WNT7B: variants seen among roughly 807,000 people sequenced by gnomAD.
WNT7B encodes the protein Wnt family member 7B, also known as protein Wnt-7b.
In WNT7B, 19 loss-of-function variants were observed where a neutral mutation model predicts 38.2. That is an observed-to-expected ratio of 0.50 (90% confidence interval 0.35 to 0.73). WNT7B has a LOEUF of 0.73. WNT7B is among the 30% of genes least tolerant of loss of function. WNT7B has a pLI of 0.01. For missense variants in WNT7B, 423 were observed against 507.9 expected, an observed-to-expected ratio of 0.83 and a Z score of 1.61; for synonymous variants, 243 against 209.3, an observed-to-expected ratio of 1.16 and a Z score of -1.39.
In WNT7B at chr22:45,922,905, A is replaced by G; in HGVS notation, c.1001T>C (p.Val334Ala). ...CNCKFHWCCF[V>A]KCNTCSERTE... is the part of the protein sequence containing the mutation. Reference sequence around the variant, plus strand: ...GCGCTCGCTGCAGGTGTTGCACTTGACGAAGCAGCACCAGTGGAATTTGCA... The same window carrying G: ...GCGCTCGCTGCAGGTGTTGCACTTGGCGAAGCAGCACCAGTGGAATTTGCA... The change falls in exon 4 of 4, where the codon GTC becomes GCC. Residue 334 changes from valine to alanine, a missense_variant. Val to Ala is a moderately conservative substitution (Grantham distance 64). Transcript: ENST00000339464. The G allele has an allele frequency of 6.2e-7, 1 of 1,611,348 alleles. No homozygotes were observed.
intron 1 of WNT7B, among the ~76,000 whole-genome samples, chr22:45,967,139 G>A (rs1435726996): frequency 6.6e-6 from 1 of 152,230 alleles, no homozygotes; most frequent in Non-Finnish European, 1.5e-5. Context: ...CCAGCCTGAG[G>A]TGAGGCCCCC....
intron 2 of WNT7B, among the ~76,000 whole-genome samples, chr22:45,932,530 C>T (rs551878408): frequency 3.5e-4 from 54 of 152,208 alleles, no homozygotes; most frequent in Admixed American, 1.4e-3. Flanking sequence ...CATATGGGTC[C>T]GAAGACCCGA....
chr22:45,922,879 T>C lies in WNT7B; in HGVS notation c.1027A>G (p.Thr343Ala). The change falls in exon 4 of 4, where the codon ACC (threonine) becomes GCC (alanine). Residue 343 changes from threonine to alanine, a missense_variant. Thr to Ala is a moderately conservative substitution (Grantham distance 58). Coordinates refer to ENST00000339464, the MANE Select transcript of WNT7B (RefSeq NM_058238.3). Reference protein sequence around the residue: ...FVKCNTCSERTEVFTCK With the variant: ...FVKCNTCSERAEVFTCK ...CCTCACTTGCAGGTGAAGACCTCGG[T>C]GCGCTCGCTGCAGGTGTTGCACTTG... 6.2e-7 allele frequency: 1 copy of C among 1,603,036 alleles called. No individual in the cohort carries two copies. The highest frequency in any genetic ancestry group is 8.5e-7 in the Non-Finnish European group (1 of 1,171,692).
intron 2 of WNT7B, among the ~76,000 whole-genome samples, chr22:45,933,011 G>A (rs1260977591): frequency 2.6e-5 from 4 of 152,222 alleles, no homozygotes; most frequent in Admixed American, 1.3e-4. Context: ...TTGTGCTAGG[G>A]GCTGTGTGCA....
intron 1 of WNT7B, among the ~76,000 whole-genome samples, chr22:45,950,580 A>G (rs975038974): frequency 2.6e-5 from 4 of 152,356 alleles, no homozygotes; most frequent in Admixed American, 6.5e-5. Context: ...CCTCATTTAT[A>G]AATTCCCCGA....
chr22:45,924,654 CAGGTGGGCCCTAGGCTGGCAGGT>C (rs1931020216), intron 3 of WNT7B, among the ~76,000 whole-genome samples: 4 of 149,412 alleles, frequency 2.7e-5, no homozygotes, highest in African/African-American at 4.9e-5. Context: ...AGGTGGGTGC[CAGGTGGGCCCTAGGCTGGCAGGT>C]GGGTGCTGGG....
chr22:45,949,076 C>G (rs542092828), intron 2 of WNT7B, among the ~76,000 whole-genome samples: 7 of 151,466 alleles, frequency 4.6e-5, no homozygotes, highest in African/African-American at 9.7e-5. Flanking sequence ...GGTGATCCAC[C>G]CCCCTCGTCC....
chr22:45,948,871 G>C (rs1931860534), intron 2 of WNT7B, among the ~76,000 whole-genome samples: 1 of 123,422 alleles, frequency 8.1e-6, no homozygotes, highest in African/African-American at 3.1e-5. Flanking sequence ...CTGAGACAGA[G>C]TCTTGCTCTT....
At chr22:45,940,243 C>T (rs1480368331) in intron 2 of WNT7B, among the ~76,000 whole-genome samples, 1 of 152,070 alleles carries the variant, frequency 6.6e-6, no homozygotes, top group Non-Finnish European at 1.5e-5. Flanking sequence ...GAACTAAGAC[C>T]CCCCACTTCA....
intron 1 of WNT7B, among the ~76,000 whole-genome samples, chr22:45,955,295 G>T (rs1355552194): frequency 6.6e-6 from 1 of 152,236 alleles, no homozygotes; most frequent in East Asian, 1.9e-4. Flanking sequence ...GGAGAGGGGT[G>T]ACTGGGATGG....
intron 1 of WNT7B, 33 bp from the exon 2 acceptor site, chr22:45,950,179 G>A (rs370384602): frequency 3.1e-5 from 49 of 1,583,808 alleles, no homozygotes; most frequent in South Asian, 2.3e-4. Flanking sequence ...GCCGTGAGAC[G>A]GCGGCGGCCA....
At position 45,951,453 on chromosome 22, in the gene WNT7B, T is replaced by G. The variant is rs1931931041; in HGVS notation, c.72-1307A>C. The stretch of plus-strand genomic sequence containing the variant: ...TTGAAGTGTACAGTTCTGTGGCATT[T>G]AATACATTCGGTGTTGTGCAACCTC... On this transcript the variant is annotated intron_variant, in intron 1 of 3. Transcript: ENST00000339464. This position sits in a 1 kb window ranked among gnomAD's most constrained non-coding sequence, Gnocchi z 4.8. 6.7e-6 allele frequency among the ~76,000 whole-genome samples: 1 copy of G among 150,326 alleles called. No individual in the cohort carries two copies. Among genetic ancestry groups the G allele is most frequent in the Non-Finnish European group, 1.5e-5 (1 of 67,980 alleles).
At chr22:45,924,992 G>A (rs28504687) in intron 3 of WNT7B, 92,038 of 895,040 alleles carry the variant, frequency 0.1, 6,896 homozygotes, top group East Asian at 0.17. Flanking sequence ...GGTGGGTGCC[G>A]GGCGGGCCCA....
chr22:45,954,555 G>A (rs774271676), intron 1 of WNT7B: 23 of 984,332 alleles, frequency 2.3e-5, no homozygotes, highest in South Asian at 4.7e-5. Flanking sequence ...ACGCTTATCC[G>A]GGGTATGTGG....
intron 1 of WNT7B, chr22:45,972,407 G>A (rs952564842): frequency 3.6e-6 from 1 of 274,850 alleles, no homozygotes; most frequent in Non-Finnish European, 6.8e-6. Context: ...CGCCGCTAGG[G>A]CCGCGCATGG....
chr22:45,977,120 G>T lies in WNT7B; in HGVS notation c.-366C>A. The T allele has an allele frequency of 1.5e-6, 1 of 686,898 alleles. No homozygotes were observed. Among genetic ancestry groups the T allele is most frequent in the Non-Finnish European group, 1.8e-6 (1 of 557,400 alleles). The allele number at this position is 686,898 out of a possible 1,614,324, so 42.6% of individuals were successfully genotyped here. On this transcript the variant is annotated 5_prime_UTR_variant, in exon 1 of 4. Transcript: ENST00000339464. ...CCGTGAGCGCCTCGCCGAGCGCCGC[G>T]GCGGCCAATGTGTCCGCACTTGTCG...
chr22:45,930,048 T>G (rs1006946411), intron 3 of WNT7B, among the ~76,000 whole-genome samples: 1 of 148,972 alleles, frequency 6.7e-6, no homozygotes, highest in African/African-American at 2.5e-5. Flanking sequence ...CCTGGCCTGG[T>G]GTTCAAGATC....
chr22:45,962,501 A>T (rs1281942535), intron 1 of WNT7B, among the ~76,000 whole-genome samples: 4 of 152,040 alleles, frequency 2.6e-5, no homozygotes, highest in Admixed American at 6.6e-5. Flanking sequence ...AAGATTCCAG[A>T]CCCAGCTTAG....
At chr22:45,927,543 G>A (rs778883887) in intron 3 of WNT7B, 2 of 1,480,628 alleles carry the variant, frequency 1.4e-6, no homozygotes, top group African/African-American at 1.4e-5. Flanking sequence ...AAACAACGGA[G>A]AGGAGGTCAC....
Sources: allele counts gnomAD v4.1 joint callset (sites outside exome capture counted in the v4.1 genomes callset), GRCh38; gene constraint gnomAD v4.1.1; non-coding constraint Gnocchi (gnomAD v3.1); transcripts MANE v1.5; gene names NCBI Gene and HGNC (gene_info 2026-07-23, HGNC 2026-07-21).